ADAM12: variants seen among roughly 807,000 people sequenced by gnomAD.
ADAM12 encodes disintegrin and metalloproteinase domain-containing protein 12.
Under a neutral mutation model 106.4 loss-of-function variants are expected in ADAM12, and 70 were observed. That is an observed-to-expected ratio of 0.66 (90% CI 0.54 to 0.80). The LOEUF is 0.80. ADAM12 is among the 30% of genes least tolerant of loss of function. The probability of loss-of-function intolerance (pLI) is 0.00; values close to 1 mark genes in which losing one functional copy is unlikely to be tolerated. For synonymous variants in ADAM12, 420 were observed against 433.5 expected (o/e 0.97, Z 0.39); for missense variants, 1,010 against 1,171.9 (o/e 0.86, Z 2.02).
Position 126,066,816 on chromosome 10 carries a change from G to A in ADAM12, c.1324-10C>T, listed in dbSNP as rs781742317. ...AGCGATTCATACATTCCTGGAAAGGGGAATGGCATTTGTTTGACAGGGTCT... is the reference window on the plus strand; with the variant it reads ...AGCGATTCATACATTCCTGGAAAGGAGAATGGCATTTGTTTGACAGGGTCT... On this transcript the variant is annotated splice_polypyrimidine_tract_variant and intron_variant, in intron 12 of 22. Transcript: ENST00000448723. This position sits in a 1 kb window ranked among gnomAD's most constrained non-coding sequence, Gnocchi z 5.1. 8.1e-6 allele frequency: 13 copies of A among 1,612,142 alleles called. No individual in the cohort carries two copies. In the Admixed American group the frequency reaches 2.0e-4, roughly 25 times the overall value.
chr10:126,190,087 G>T (rs777354283), intron 3 of ADAM12, among the ~76,000 whole-genome samples: 1 of 152,146 alleles, frequency 6.6e-6, no homozygotes, highest in Non-Finnish European at 1.5e-5. Flanking sequence ...AAGGACCGGG[G>T]CCAGGCTTCC....
At chr10:126,359,379 A>C (rs1855660677) in intron 1 of ADAM12, among the ~76,000 whole-genome samples, 1 of 152,202 alleles carries the variant, frequency 6.6e-6, no homozygotes, top group African/African-American at 2.4e-5. Flanking sequence ...AGACAAGGCA[A>C]GTCCCTTCTG....
intron 11 of ADAM12, among the ~76,000 whole-genome samples, chr10:126,082,195 G>A (rs774276980): frequency 6.6e-6 from 1 of 152,032 alleles, no homozygotes; most frequent in African/African-American, 2.4e-5. Context: ...GTTGTCTTCT[G>A]TTCCTGAAAG....
chr10:126,070,524 G>A (rs776660975), intron 12 of ADAM12: 5 of 152,156 alleles, frequency 3.3e-5, no homozygotes, highest in African/African-American at 7.2e-5. Flanking sequence ...GGAATATACC[G>A]GATGCGCCAG....
At chr10:126,047,372 G>A (rs532987799) in intron 16 of ADAM12, among the ~76,000 whole-genome samples, 34 of 152,224 alleles carry the variant, frequency 2.2e-4, no homozygotes, top group African/African-American at 6.7e-4. Context: ...CTGGCCAAGG[G>A]GATGGTCACA....
At chr10:126,271,326 G>A (rs1433960377) in intron 3 of ADAM12, among the ~76,000 whole-genome samples, 1 of 152,120 alleles carries the variant, frequency 6.6e-6, no homozygotes, top group African/African-American at 2.4e-5. Context: ...TGTCCATTCT[G>A]CCTACTTAAC....
At chr10:126,342,566 G>A (rs1210431784) in intron 1 of ADAM12, among the ~76,000 whole-genome samples, 1 of 152,122 alleles carries the variant, frequency 6.6e-6, no homozygotes, top group Non-Finnish European at 1.5e-5. Context: ...ACATAGAGAA[G>A]CCAAAAGAGT....
At position 126,142,097 on chromosome 10, in the gene ADAM12, C is replaced by G. The variant is rs1956523187; in HGVS notation, c.340-6437G>C. 2.0e-5 allele frequency among the ~76,000 whole-genome samples: 3 copies of G among 152,170 alleles called. No homozygotes were observed. In the South Asian group the frequency reaches 6.2e-4, roughly 32 times the overall value. On this transcript the variant is annotated intron_variant, in intron 4 of 22. Transcript: ENST00000448723. ...GACACTTCCCTCCATACCTGGCTGT[C>G]AGAAACATGCATTTCTCTCAGAAAC...
chr10:126,292,489 G>A (rs938243635), intron 2 of ADAM12, among the ~76,000 whole-genome samples: 2 of 152,060 alleles, frequency 1.3e-5, no homozygotes, highest in Non-Finnish European at 2.9e-5. Context: ...ATTAATGCAG[G>A]GCTCAAATAA....
intron 9 of ADAM12, 132 bp from the exon 10 acceptor site, chr10:126,098,632 CAT>C (rs1295442978): frequency 4.4e-6 from 3 of 682,628 alleles, no homozygotes; most frequent in Non-Finnish European, 7.3e-6. Flanking sequence ...GGTATATTCA[CAT>C]GTGATTTTAT....
intron 11 of ADAM12, among the ~76,000 whole-genome samples, chr10:126,086,021 TGCAGGATTG>T (rs1429758820): frequency 6.6e-6 from 1 of 152,206 alleles, no homozygotes; most frequent in East Asian, 1.9e-4. Flanking sequence ...GGAGGGGGAT[TGCAGGATTG>T]GCAGGATTTC....
intron 3 of ADAM12, among the ~76,000 whole-genome samples, chr10:126,197,084 G>A (rs367579379): frequency 2.0e-5 from 3 of 152,172 alleles, no homozygotes; most frequent in Non-Finnish European, 2.9e-5. Flanking sequence ...GAAATCTGCC[G>A]TGCAATCCAG....
intron 6 of ADAM12, among the ~76,000 whole-genome samples, chr10:126,114,502 C>A (rs554201063): frequency 6.6e-6 from 1 of 152,128 alleles, no homozygotes; most frequent in African/African-American, 2.4e-5. Context: ...TGTTTTGAGA[C>A]GAGTTTCACT....
At chr10:126,325,033 C>G (rs1310963838) in intron 2 of ADAM12, among the ~76,000 whole-genome samples, 2 of 152,060 alleles carry the variant, frequency 1.3e-5, no homozygotes, top group African/African-American at 4.8e-5. Flanking sequence ...AGAGGGACAT[C>G]ACCAGCGGGA....
In ADAM12 at chr10:126,066,930, G is replaced by T; in HGVS notation, c.1324-124C>A. On this transcript the variant is annotated intron_variant, in intron 12 of 22. Coordinates refer to ENST00000448723, the MANE Select transcript of ADAM12 (RefSeq NM_001288973.2). This position sits in a 1 kb window ranked among gnomAD's most constrained non-coding sequence, Gnocchi z 5.1. ...ACCAAGAGGGCCCAGCTCCTGAACT[G>T]CACACCTGCCTGTTTCCGTCTGTTA... The T allele has an allele frequency of 1.2e-6, 1 of 855,500 alleles. No individual in the cohort carries two copies. The highest frequency in any genetic ancestry group is 1.9e-6 in the Non-Finnish European group (1 of 531,666). 53.0% of individuals were successfully genotyped at this position (855,500 alleles called of 1,614,324 possible). A position where few individuals can be genotyped will look rare whatever the true frequency, so the allele number is the denominator to read the frequency against.
intron 3 of ADAM12, among the ~76,000 whole-genome samples, chr10:126,225,017 G>A (rs562242751): frequency 6.6e-6 from 1 of 152,368 alleles, no homozygotes; most frequent in East Asian, 1.9e-4. Context: ...GTCAGGTTTG[G>A]GAGTGAGAAG....
chr10:126,233,343 C>G (rs1565155609), intron 3 of ADAM12, among the ~76,000 whole-genome samples: 1 of 152,122 alleles, frequency 6.6e-6, no homozygotes, highest in Non-Finnish European at 1.5e-5. Flanking sequence ...GAAGGAGAAC[C>G]TGAGGGACTG....
chr10:126,326,974 C>T (rs1854325966), intron 2 of ADAM12, among the ~76,000 whole-genome samples: 1 of 152,188 alleles, frequency 6.6e-6, no homozygotes, highest in African/African-American at 2.4e-5. Flanking sequence ...CACTGAACCC[C>T]CAGGAACTTG....
intron 10 of ADAM12, among the ~76,000 whole-genome samples, chr10:126,095,665 T>C (rs1287552424): frequency 1.3e-5 from 2 of 151,836 alleles, no homozygotes; most frequent in Non-Finnish European, 2.9e-5. Context: ...AGTGGCTTTA[T>C]AAGAAGAAGA....
Sources: allele counts gnomAD v4.1 joint callset (sites outside exome capture counted in the v4.1 genomes callset), GRCh38; gene constraint gnomAD v4.1.1; non-coding constraint Gnocchi (gnomAD v3.1); transcripts MANE v1.5; gene names NCBI Gene and HGNC (gene_info 2026-07-23, HGNC 2026-07-21).